Variants in SND1 observed in about 807,000 individuals in gnomAD.
SND1 encodes the protein staphylococcal nuclease domain-containing protein 1.
SND1 carries 38 observed loss-of-function variants against 121.7 expected under a neutral mutation model. That is an observed-to-expected ratio of 0.31 (90% CI 0.24 to 0.41). SND1 has a LOEUF of 0.41. Ranked by LOEUF, SND1 falls within the 10% of genes least tolerant of loss-of-function variation. The probability of loss-of-function intolerance (pLI) is 1.00; values close to 1 mark genes in which losing one functional copy is unlikely to be tolerated. For missense variants in SND1, 868 were observed against 1,184.6 expected (o/e 0.73, Z 3.92); for synonymous variants, 401 against 447.4 (o/e 0.90, Z 1.31).
At chr7:127,948,053 A>C (rs972729532) in intron 15 of SND1, among the ~76,000 whole-genome samples, 2 of 152,204 alleles carry the variant, frequency 1.3e-5, no homozygotes, top group African/African-American at 2.4e-5. Context: ...AGGAAACCTA[A>C]TTCAAGGGGA....
chr7:127,789,969 C>A (rs1049152117), intron 10 of SND1, among the ~76,000 whole-genome samples: 3 of 152,156 alleles, frequency 2.0e-5, no homozygotes, highest in Admixed American at 6.5e-5. Context: ...GTTAAACCTC[C>A]TATCTTTAGA....
intron 1 of SND1, among the ~76,000 whole-genome samples, chr7:127,659,581 G>T (rs1795273366): frequency 6.6e-6 from 1 of 152,136 alleles, no homozygotes; most frequent in Non-Finnish European, 1.5e-5. Context: ...TGTTTATGTG[G>T]CAAGTAGTCT....
At chr7:127,954,716 A>G (rs968886360) in intron 15 of SND1, among the ~76,000 whole-genome samples, 1 of 152,152 alleles carries the variant, frequency 6.6e-6, no homozygotes, top group Non-Finnish European at 1.5e-5. Context: ...AGGGAGCTGG[A>G]GAGCTTCATT....
At chr7:127,942,548 C>T (rs923408840) in intron 15 of SND1, among the ~76,000 whole-genome samples, 7 of 152,126 alleles carry the variant, frequency 4.6e-5, no homozygotes, top group Admixed American at 2.6e-4. Flanking sequence ...GGGCAGAAAG[C>T]GAGCTCTGGT....
At chr7:127,864,532 C>G (rs1799433500) in intron 12 of SND1, among the ~76,000 whole-genome samples, 1 of 152,114 alleles carries the variant, frequency 6.6e-6, no homozygotes, top group African/African-American at 2.4e-5. Context: ...TAGAACAGTT[C>G]TGAATCTGTA....
chr7:128,001,970 A>G (rs910012974), intron 16 of SND1, among the ~76,000 whole-genome samples: 1 of 152,202 alleles, frequency 6.6e-6, no homozygotes, highest in Non-Finnish European at 1.5e-5. Context: ...CTCAGGGCTT[A>G]ACTGAAATTT....
intron 14 of SND1, among the ~76,000 whole-genome samples, chr7:127,922,175 C>CTTTTTTTTTTTTTTTTTTCTT (rs1800722348): frequency 1.7e-5 from 1 of 57,176 alleles, no homozygotes; most frequent in Non-Finnish European, 3.0e-5. Flanking sequence ...TTTTTCTTTC[C>CTTTTTTTTTTTTTTTTTTCTT]TTTTTTTTTT....
At chr7:128,022,632 T>G (rs1803383479) in intron 16 of SND1, among the ~76,000 whole-genome samples, 1 of 152,230 alleles carries the variant, frequency 6.6e-6, no homozygotes, top group Admixed American at 6.5e-5. Context: ...TATATAACAC[T>G]CTTCCTCTGG....
At chr7:127,664,132 C>T (rs1795368548) in intron 1 of SND1, among the ~76,000 whole-genome samples, 1 of 152,088 alleles carries the variant, frequency 6.6e-6, no homozygotes, top group South Asian at 2.1e-4. Context: ...CTTAAGACAT[C>T]CTCTGGCTAA....
intron 10 of SND1, among the ~76,000 whole-genome samples, chr7:127,759,057 A>ATAGATAG: frequency 6.9e-6 from 1 of 145,506 alleles, no homozygotes; most frequent in Non-Finnish European, 1.5e-5. Context: ...CTGTCTCAAA[A>ATAGATAG]ATAGATAGAT....
At chr7:127,885,684 TC>T (rs1799892139) in intron 12 of SND1, among the ~76,000 whole-genome samples, 1 of 152,134 alleles carries the variant, frequency 6.6e-6, no homozygotes, top group Non-Finnish European at 1.5e-5. Context: ...CTGGGGTGGA[TC>T]ATTAAACATT....
intron 10 of SND1, among the ~76,000 whole-genome samples, chr7:127,802,569 C>A (rs1006795019): frequency 5.9e-5 from 9 of 152,156 alleles, no homozygotes; most frequent in African/African-American, 2.2e-4. Context: ...TTTCCTTCCG[C>A]CCTGCTTACT....
intron 15 of SND1, among the ~76,000 whole-genome samples, chr7:127,955,169 T>TTTAG (rs1283469422): frequency 2.0e-5 from 3 of 152,202 alleles, no homozygotes; most frequent in African/African-American, 7.2e-5. Context: ...CCTTATTTAT[T>TTTAG]TTAGGTCCAT....
intron 12 of SND1, among the ~76,000 whole-genome samples, chr7:127,861,657 G>A (rs937924244): frequency 2.0e-5 from 3 of 152,128 alleles, no homozygotes; most frequent in East Asian, 1.9e-4. Context: ...ACATTTTTTA[G>A]TAGAGACAGG....
chr7:127,706,481 A>C (rs549529770), intron 8 of SND1, among the ~76,000 whole-genome samples: 14 of 152,010 alleles, frequency 9.2e-5, no homozygotes, highest in African/African-American at 3.4e-4. Context: ...GATGGTCTCG[A>C]TCTCCTGACC....
At chr7:127,758,699 T>G (rs1473801557) in intron 10 of SND1, among the ~76,000 whole-genome samples, 1 of 152,204 alleles carries the variant, frequency 6.6e-6, no homozygotes, top group Middle Eastern at 3.2e-3. Context: ...TAATCCATTT[T>G]GATTTAGTGA....
At position 128,089,566 on chromosome 7, in the gene SND1, C is replaced by T. The variant is rs1793741930; in HGVS notation, c.2496C>T (p.His832=). The part of the protein sequence containing the change: ...QNTQCLLNVE[H]LSAGCPHVTL... The stretch of plus-strand genomic sequence containing the variant: ...CTCAGTGCCTGCTCAACGTGGAACA[C>T]CTGAGTGCCGGCTGCCCCCATGTCA... The change falls in exon 22 of 24, where the codon CAC becomes CAT. Residue 832 remains histidine (H), a synonymous_variant. Transcript: ENST00000354725. 2 of 1,614,218 alleles carry T rather than the reference C, an allele frequency of 1.2e-6. No individual in the cohort carries two copies. Among genetic ancestry groups the T allele is most frequent in the South Asian group, 2.2e-5 (2 of 91,084 alleles).
chr7:128,001,653 C>T lies in SND1; in HGVS notation c.1779+10597C>T, dbSNP rs535554880. Among the ~76,000 whole-genome samples, 7 of 152,310 alleles carry T rather than the reference C, an allele frequency of 4.6e-5. No individual in the cohort carries two copies. In the East Asian group the frequency reaches 9.6e-4, roughly 21 times the overall value. ...TATTATTAATAGAAATTCTCTCAGC[C>T]GGGCACAGTGGCTCACGCCTGTAAT... On this transcript the variant is annotated intron_variant, in intron 16 of 23. Transcript: ENST00000354725.
chr7:127,706,821 CCTG>C (rs1796210259), intron 8 of SND1, among the ~76,000 whole-genome samples: 1 of 152,188 alleles, frequency 6.6e-6, no homozygotes, highest in African/African-American at 2.4e-5. Flanking sequence ...ACTACTACAT[CCTG>C]CTTTGTGTTT....
Sources: allele counts gnomAD v4.1 joint callset (sites outside exome capture counted in the v4.1 genomes callset), GRCh38; gene constraint gnomAD v4.1.1; transcripts MANE v1.5; gene names NCBI Gene and HGNC (gene_info 2026-07-23, HGNC 2026-07-21).